Variants in RUFY1 observed in about 807,000 individuals in gnomAD.
RUFY1 encodes the protein RUN and FYVE domain-containing protein 1.
Under a neutral mutation model 94.6 loss-of-function variants are expected in RUFY1, and 54 were observed. That is an observed-to-expected ratio of 0.57 (90% CI 0.46 to 0.72). The LOEUF (loss-of-function observed/expected upper bound fraction) is 0.72, where lower values mean the gene tolerates loss of function less well. Ranked by LOEUF, RUFY1 falls within the 30% of genes least tolerant of loss-of-function variation. The pLI is 0.00. For synonymous variants in RUFY1, 396 were observed against 347.3 expected (o/e 1.14, Z -1.56); for missense variants, 883 against 883.9 (o/e 1.00, Z 0.01).
Position 179,609,325 on chromosome 5 carries a change from C to G in RUFY1, c.1984-51C>G, listed in dbSNP as rs563554758. ...TGGGTCAGGAAGCAGGGAGGGTGTG[C>G]GGATGGCTTTTCCCCGGGTGTCCTG... On this transcript the variant is annotated intron_variant, in intron 17 of 17. Transcript: ENST00000319449. The G allele has an allele frequency of 1.4e-5, 23 of 1,588,532 alleles. 1 individual carries two copies. The South Asian group carries it at 2.6e-4, about 18-fold the overall frequency.
Position 179,598,783 on chromosome 5 carries a change from C to G in RUFY1, c.1723C>G (p.Leu575Val), listed in dbSNP as rs1202500344. Residue 575 changes from leucine to valine, a missense_variant, in exon 14 of 18, where the codon CTC becomes GTC. Leu to Val is a conservative substitution (Grantham distance 32). Coordinates refer to ENST00000319449, the MANE Select transcript of RUFY1 (RefSeq NM_025158.5). ...LQHEKDTSSL[L>V]RMELQQVEGL... is the part of the protein sequence containing the mutation. ...GCACGAGAAAGACACTTCCTCTCTA[C>G]TCAGGATGGAGCTGCAACAAGTGGA... The G allele has an allele frequency of 6.2e-7, 1 of 1,614,202 alleles. No individual in the cohort carries two copies. The highest frequency in any genetic ancestry group is 1.1e-5 in the South Asian group (1 of 91,088).
chr5:179,609,908 A>C lies in RUFY1; in HGVS notation c.*389A>C. The C allele has an allele frequency of 6.0e-6, 1 of 165,322 alleles. No homozygotes were observed. The highest frequency in any genetic ancestry group is 1.3e-5 in the Non-Finnish European group (1 of 76,688). The allele number at this position is 165,322 out of a possible 1,614,324, so 10.2% of individuals were successfully genotyped here. On this transcript the variant is annotated 3_prime_UTR_variant, in exon 18 of 18. Transcript: ENST00000319449. ...GATTCATGCACAGCGTTTGACACAC[A>C]TGGAGTCTGCCAGTGTGCCTTCTCT... is the stretch of plus-strand genomic sequence containing the variant.
In RUFY1 at chr5:179,550,604, G is replaced by GGGGGCGGGAGCT; in HGVS notation, c.38_49dup (p.Gly13_Leu16dup). On this transcript the variant is annotated inframe_insertion, in exon 1 of 18. Coordinates refer to ENST00000319449, the MANE Select transcript of RUFY1 (RefSeq NM_025158.5). ...CGGGAAGGCGGCTGCGCTGCTGGGC[G>GGGGGCGGGAGCT]GGGGCGGGAGCTGGAGCCGGAGCTG... The GGGGGCGGGAGCT allele has an allele frequency of 1.6e-6, 2 of 1,277,980 alleles. No individual in the cohort carries two copies. Among genetic ancestry groups the GGGGGCGGGAGCT allele is most frequent in the East Asian group, 4.0e-5 (1 of 25,222 alleles). 79.2% of individuals were successfully genotyped at this position (1,277,980 alleles called of 1,614,324 possible).
intron 3 of RUFY1, among the ~76,000 whole-genome samples, chr5:179,563,967 C>T (rs949390797): frequency 2.6e-5 from 4 of 151,708 alleles, no homozygotes; most frequent in South Asian, 2.1e-4. Flanking sequence ...CCACCACACC[C>T]GGCCTTAATG....
Position 179,596,670 on chromosome 5 carries a change from G to C in RUFY1, c.1620G>C (p.Leu540=). The change falls in exon 13 of 18, where the codon CTG becomes CTC. Residue 540 remains leucine (L), a synonymous_variant. Transcript: ENST00000319449. ...IGALQLQLSQ[L]HEQCSSLEKE... ...CCCTGCAGCTGCAGCTCTCCCAGCTGCACGAGCAATGGTAGGGGCCCTGCA... is the reference window on the plus strand; with the variant it reads ...CCCTGCAGCTGCAGCTCTCCCAGCTCCACGAGCAATGGTAGGGGCCCTGCA... 6.2e-7 allele frequency: 1 copy of C among 1,602,876 alleles called. No homozygotes were observed. The highest frequency in any genetic ancestry group is 8.5e-7 in the Non-Finnish European group (1 of 1,175,870).
At chr5:179,562,518 A>G in intron 2 of RUFY1, 29 bp from the exon 3 acceptor site, 2 of 1,423,174 alleles carry the variant, frequency 1.4e-6, no homozygotes, top group Non-Finnish European at 2.0e-6. Flanking sequence ...ACCTGTTCTT[A>G]TGAATAACAC....
At chr5:179,586,736 G>A (rs1348803310) in intron 8 of RUFY1, among the ~76,000 whole-genome samples, 2 of 152,184 alleles carry the variant, frequency 1.3e-5, no homozygotes, top group Non-Finnish European at 2.9e-5. Flanking sequence ...GTCACAGATG[G>A]GGGTGTCATG....
intron 12 of RUFY1, 97 bp from the exon 13 acceptor site, chr5:179,596,465 C>T: frequency 6.9e-7 from 1 of 1,451,116 alleles, no homozygotes; most frequent in Non-Finnish European, 9.7e-7. Context: ...GTTAATTTTA[C>T]TGTATGGTAA....
At chr5:179,580,068 T>C (rs1763996252) in intron 6 of RUFY1, among the ~76,000 whole-genome samples, 1 of 152,064 alleles carries the variant, frequency 6.6e-6, no homozygotes, top group African/African-American at 2.4e-5. Flanking sequence ...TATTCCACAC[T>C]GTGGTATATT....
At chr5:179,584,058 A>G (rs1764407079) in intron 7 of RUFY1, among the ~76,000 whole-genome samples, 1 of 152,232 alleles carries the variant, frequency 6.6e-6, no homozygotes, top group Non-Finnish European at 1.5e-5. Flanking sequence ...TATATTTTTA[A>G]GAAAAATATA....
At chr5:179,550,964 A>T in intron 1 of RUFY1, 85 bp downstream of exon 1, 1 of 972,302 alleles carries the variant, frequency 1.0e-6, no homozygotes, top group Non-Finnish European at 1.2e-6. Flanking sequence ...CCGGGCTGGG[A>T]GGGCACTGGC....
intron 3 of RUFY1, among the ~76,000 whole-genome samples, chr5:179,566,721 T>C (rs2127520945): frequency 6.6e-6 from 1 of 152,190 alleles, no homozygotes; most frequent in Non-Finnish European, 1.5e-5. Flanking sequence ...GTAAATTTTA[T>C]GTTCTGTGTA....
At chr5:179,559,486 G>A (rs1762275345) in intron 1 of RUFY1, among the ~76,000 whole-genome samples, 1 of 152,252 alleles carries the variant, frequency 6.6e-6, no homozygotes, top group Non-Finnish European at 1.5e-5. Context: ...TATCCGGCAA[G>A]AGAGAAGGCT....
At chr5:179,606,102 T>C (rs1767057208) in intron 16 of RUFY1, 178 bp downstream of exon 16, 1 of 600,966 alleles carries the variant, frequency 1.7e-6, no homozygotes, top group African/African-American at 1.9e-5. Flanking sequence ...AGGGCGATGC[T>C]GACAGGTGGC....
intron 1 of RUFY1, 142 bp downstream of exon 1, chr5:179,551,021 C>A: frequency 2.8e-6 from 2 of 723,516 alleles, no homozygotes; most frequent in Non-Finnish European, 3.4e-6. Context: ...CGGCGCCTGG[C>A]TGCGCCTGGG....
intron 8 of RUFY1, among the ~76,000 whole-genome samples, chr5:179,586,679 AG>A (rs1382668746): frequency 1.3e-5 from 2 of 152,174 alleles, no homozygotes; most frequent in African/African-American, 4.8e-5. Context: ...AAAGGCCTTC[AG>A]GAAAGGAGCT....
intron 13 of RUFY1, 87 bp downstream of exon 13, chr5:179,596,768 C>G (rs1176130682): frequency 2.4e-6 from 1 of 420,280 alleles, no homozygotes; most frequent in Non-Finnish European, 3.2e-6. Flanking sequence ...TGCTTCAGCA[C>G]GAACGGGAGG....
intron 17 of RUFY1, chr5:179,608,360 G>C (rs1176239059): frequency 1.0e-6 from 1 of 985,638 alleles, no homozygotes; most frequent in Non-Finnish European, 1.2e-6. Context: ...GTGCCTTGCA[G>C]TAAGCTCAGA....
chr5:179,560,535 C>G (rs558304477), intron 2 of RUFY1, among the ~76,000 whole-genome samples: 1 of 149,492 alleles, frequency 6.7e-6, no homozygotes, highest in Non-Finnish European at 1.5e-5. Flanking sequence ...CTGGCTAACA[C>G]GGTGAAACCC....
Sources: allele counts gnomAD v4.1 joint callset (sites outside exome capture counted in the v4.1 genomes callset), GRCh38; gene constraint gnomAD v4.1.1; transcripts MANE v1.5; gene names NCBI Gene and HGNC (gene_info 2026-07-23, HGNC 2026-07-21).